The following FAAH2 variants were observed in gnomAD, a reference collection of about 807,000 sequenced individuals.
FAAH2 encodes the protein fatty acid amide hydrolase 2.
FAAH2 carries 60 observed loss-of-function variants against 36.9 expected under a neutral mutation model. The observed-to-expected ratio is 1.63, with a 90% CI of 1.32 to 2.02. The LOEUF (loss-of-function observed/expected upper bound fraction) is 2.02. FAAH2 is among the 30% of genes most tolerant of loss of function. The pLI, the probability that FAAH2 is intolerant of heterozygous loss-of-function variation, is 0.00. For missense variants in FAAH2, 689 were observed against 397.5 expected, an observed-to-expected ratio of 1.73 and a Z score of -6.23; for synonymous variants, 214 against 143.8, an observed-to-expected ratio of 1.49 and a Z score of -3.49.
chrX:57,192,455 T>C, the FAAH2 span, among the ~76,000 whole-genome samples: 3 of 112,087 alleles, frequency 2.7e-5, no homozygotes, highest in African/African-American at 9.7e-5. Flanking sequence ...TTTTCTTGTC[T>C]TATTGCTCTA....
chrX:57,404,884 C>G (rs781238324), intron 7 of FAAH2, among the ~76,000 whole-genome samples: 1 of 111,991 alleles, frequency 8.9e-6, no homozygotes, highest in East Asian at 2.8e-4. Flanking sequence ...TGATCTCAAC[C>G]GGCTAATGCC....
the FAAH2 span, among the ~76,000 whole-genome samples, chrX:57,203,526 T>C: frequency 0.45 from 50,076 of 110,838 alleles, 11,348 homozygotes; most frequent in African/African-American, 0.88. Context: ...CTGTTCCCAA[T>C]ATGTCCCCCT....
chrX:57,335,379 G>C (rs1321624503), intron 4 of FAAH2, among the ~76,000 whole-genome samples: 2 of 112,228 alleles, frequency 1.8e-5, no homozygotes, highest in Non-Finnish European at 3.8e-5. Context: ...AGGACAATAG[G>C]ATAATAGTGG....
chrX:57,475,599 T>G (rs984744435), intron 10 of FAAH2, among the ~76,000 whole-genome samples: 1 of 111,862 alleles, frequency 8.9e-6, no homozygotes, highest in African/African-American at 3.3e-5. Context: ...ACTGTACCCT[T>G]GTAGTATAGT....
At chrX:57,425,674 A>C (rs1443595304) in intron 7 of FAAH2, among the ~76,000 whole-genome samples, 1 of 111,953 alleles carries the variant, frequency 8.9e-6, no homozygotes. Context: ...GAGTGAATTT[A>C]TCATGACTAT....
chrX:57,433,950 G>T (rs961645061), intron 8 of FAAH2, among the ~76,000 whole-genome samples: 3 of 111,359 alleles, frequency 2.7e-5, no homozygotes, highest in Non-Finnish European at 5.7e-5. Context: ...GCCTGAAAAA[G>T]AAATGTACTA....
rs868225531 is a variant in FAAH2, at chrX:57,401,340, G to C, written c.996+20311G>C. ...AACAGTCCAGGTGAGTTGAGACATT[G>C]GGTTTGAAGGATCTTCAAAGGCAAA... On this transcript the variant is annotated intron_variant, in intron 7 of 10. Transcript: ENST00000374900. Among the ~76,000 whole-genome samples, 8 of 111,168 alleles carry C rather than the reference G, an allele frequency of 7.2e-5. No homozygotes were observed. The Middle Eastern group carries it at 0.014, about 195-fold the overall frequency.
chrX:57,345,392 C>A (rs1052139653), intron 5 of FAAH2, among the ~76,000 whole-genome samples: 2 of 110,750 alleles, frequency 1.8e-5, no homozygotes, highest in African/African-American at 6.5e-5. Flanking sequence ...GAAATGTATC[C>A]ATTTTTTCTA....
Position 57,299,449 on chromosome X carries a change from T to C in FAAH2, c.275+6869T>C, listed in dbSNP as rs374609625. 1.7e-4 allele frequency among the ~76,000 whole-genome samples: 19 copies of C among 111,380 alleles called. 1 individual carries two copies. In the East Asian group the frequency reaches 2.8e-3, roughly 16 times the overall value. ...CTCAATAAATTAGGTATTGATGGGA[T>C]GTATCTCAAAATAATAAGAGCTATC... On this transcript the variant is annotated intron_variant, in intron 2 of 10. Coordinates refer to ENST00000374900, the MANE Select transcript of FAAH2 (RefSeq NM_174912.4).
At chrX:57,249,459 C>A in the FAAH2 span, among the ~76,000 whole-genome samples, 6 of 112,300 alleles carry the variant, frequency 5.3e-5, no homozygotes, top group Non-Finnish European at 1.1e-4. Context: ...CTGAATTAAA[C>A]TTCCAGGCCC....
intron 5 of FAAH2, among the ~76,000 whole-genome samples, chrX:57,342,926 C>T (rs1374012548): frequency 9.0e-6 from 1 of 111,672 alleles, no homozygotes; most frequent in African/African-American, 3.3e-5. Context: ...TGGCCTCTAG[C>T]TGCATCCATA....
chrX:57,471,330 T>A (rs987063417), intron 10 of FAAH2, among the ~76,000 whole-genome samples: 1 of 111,966 alleles, frequency 8.9e-6, no homozygotes, highest in African/African-American at 3.2e-5. Context: ...ATGACAAGAT[T>A]GTAAATCTAG....
the FAAH2 span, among the ~76,000 whole-genome samples, chrX:57,203,984 A>G: frequency 1.8e-5 from 2 of 110,964 alleles, no homozygotes; most frequent in Non-Finnish European, 3.8e-5. Context: ...GATAACAGGA[A>G]CTCTTGCTGT....
the FAAH2 span, among the ~76,000 whole-genome samples, chrX:57,228,430 G>A: frequency 1.8e-5 from 2 of 111,519 alleles, no homozygotes; most frequent in African/African-American, 6.5e-5. Flanking sequence ...CTCCATTGGG[G>A]ATGTCTGTTT....
At chrX:57,448,430 T>A in intron 9 of FAAH2, 94 bp from the exon 10 acceptor site, 1 of 811,477 alleles carries the variant, frequency 1.2e-6, no homozygotes, top group South Asian at 2.8e-5. Flanking sequence ...TGTTCTATAA[T>A]GAACATGTAT....
chrX:57,189,593 G>A, the FAAH2 span, among the ~76,000 whole-genome samples: 3 of 110,893 alleles, frequency 2.7e-5, no homozygotes, highest in African/African-American at 9.8e-5. Flanking sequence ...TTATGTTGAT[G>A]TTGATGGTAT....
intron 7 of FAAH2, among the ~76,000 whole-genome samples, chrX:57,419,980 T>A (rs779624640): frequency 5.1e-4 from 57 of 111,952 alleles, no homozygotes; most frequent in Non-Finnish European, 1.0e-3. Context: ...TAGAGAATCC[T>A]TTCCCCATTT....
chrX:57,347,525 G>A (rs746591058), intron 5 of FAAH2, among the ~76,000 whole-genome samples: 9 of 106,610 alleles, frequency 8.4e-5, no homozygotes, highest in Non-Finnish European at 1.5e-4. Flanking sequence ...ATCTCGATGA[G>A]TTTTCTTTCC....
At chrX:57,411,747 T>C (rs1309806917) in intron 7 of FAAH2, among the ~76,000 whole-genome samples, 1 of 111,369 alleles carries the variant, frequency 9.0e-6, no homozygotes, top group East Asian at 2.8e-4. Context: ...CTTGGGCCTC[T>C]TTTGGCACCA....
Sources: allele counts gnomAD v4.1 joint callset (sites outside exome capture counted in the v4.1 genomes callset), GRCh38; gene constraint gnomAD v4.1.1; transcripts MANE v1.5; gene names NCBI Gene and HGNC (gene_info 2026-07-23, HGNC 2026-07-21).